Variants in ARHGAP10 observed in about 807,000 individuals in gnomAD.
The protein encoded by ARHGAP10 is Rho GTPase activating protein 10, also known as rho GTPase-activating protein 10.
In ARHGAP10, 87 loss-of-function variants were observed where a neutral mutation model predicts 108.6. That is an observed-to-expected ratio of 0.80 (90% confidence interval 0.67 to 0.96). ARHGAP10 has a LOEUF of 0.96. ARHGAP10 is among the 40% of genes least tolerant of loss of function. The pLI is 0.00. For synonymous variants in ARHGAP10, 347 were observed against 341.1 expected, an observed-to-expected ratio of 1.02 and a Z score of -0.19; for missense variants, 939 against 954.5, an observed-to-expected ratio of 0.98 and a Z score of 0.21.
intron 12 of ARHGAP10, among the ~76,000 whole-genome samples, chr4:147,912,637 G>A (rs1353483790): frequency 8.7e-6 from 1 of 114,982 alleles, no homozygotes; most frequent in Non-Finnish European, 1.7e-5. Context: ...GAAATACATA[G>A]CCTTAAGCTT....
In ARHGAP10 at chr4:147,857,626, C is replaced by A; in HGVS notation, c.458C>A (p.Ala153Glu). The A allele has an allele frequency of 6.7e-7, 1 of 1,488,162 alleles. No homozygotes were observed. Among genetic ancestry groups the A allele is most frequent in the South Asian group, 1.4e-5 (1 of 71,684 alleles). The allele number at this position is 1,488,162 out of a possible 1,614,324, so 92.2% of individuals were successfully genotyped here. The change falls in exon 5 of 23, where the codon GCA becomes GAA. Residue 153 changes from alanine to glutamate, a missense_variant. By Grantham distance (107) the Ala-to-Glu change is moderately radical (BLOSUM62 -1). Coordinates refer to ENST00000336498, the MANE Select transcript of ARHGAP10 (RefSeq NM_024605.4). ...SLIDKHLNLS[A>E]KKKDSHLQEA... ...ATTGATAAACATTTGAATTTATCAGCAAAAAAGAAAGACTCACATTTACAA... is the reference window on the plus strand; with the variant it reads ...ATTGATAAACATTTGAATTTATCAGAAAAAAAGAAAGACTCACATTTACAA...
intron 20 of ARHGAP10, among the ~76,000 whole-genome samples, chr4:148,060,284 A>C (rs1395948758): frequency 1.3e-5 from 2 of 151,764 alleles, no homozygotes; most frequent in Admixed American, 1.3e-4. Flanking sequence ...GATTCTTCTT[A>C]TTAAAAAGTA....
rs1409500679 is a variant in ARHGAP10, at chr4:147,766,814, ATATATATATATATATATATATATATT to A, written c.154+34363_154+34388del. On this transcript the variant is annotated intron_variant, in intron 1 of 22. Coordinates refer to ENST00000336498, the MANE Select transcript of ARHGAP10 (RefSeq NM_024605.4). ...CATATATTCACATATATATATATAT[ATATATATATATATATATATATATATT>A]TATTTATTTATTTATTTATTTTATG... 2.7e-3 allele frequency among the ~76,000 whole-genome samples: 15 copies of A among 5,632 alleles called. No individual in the cohort carries two copies. The South Asian group carries it at 0.059, about 22-fold the overall frequency. The allele number at this position is 5,632 out of a possible 152,430, so 3.7% of individuals were successfully genotyped here. A position where few individuals can be genotyped will look rare whatever the true frequency, so the allele number is the denominator to read the frequency against.
At chr4:148,071,829 G>A (rs1730195781) in intron 22 of ARHGAP10, among the ~76,000 whole-genome samples, 164 bp from the exon 23 acceptor site, 1 of 149,800 alleles carries the variant, frequency 6.7e-6, no homozygotes, top group Non-Finnish European at 1.5e-5. Context: ...CCAGTGCAGG[G>A]AGGCAGAGCC....
At chr4:147,838,151 C>G (rs1386555941) in intron 3 of ARHGAP10, among the ~76,000 whole-genome samples, 2 of 152,160 alleles carry the variant, frequency 1.3e-5, no homozygotes, top group African/African-American at 4.8e-5. Flanking sequence ...ATCATGGATA[C>G]ATTCTGAATT....
intron 8 of ARHGAP10, among the ~76,000 whole-genome samples, chr4:147,876,511 T>G (rs6535569): frequency 0.72 from 109,521 of 151,708 alleles, 45,208 homozygotes; most frequent in Non-Finnish European, 0.92. Flanking sequence ...GAGAATGGCG[T>G]GAACCTGGGA....
At chr4:147,855,572 A>C (rs1734051939) in intron 4 of ARHGAP10, among the ~76,000 whole-genome samples, 1 of 152,160 alleles carries the variant, frequency 6.6e-6, no homozygotes. Context: ...CCATTTCTAC[A>C]CATGGGTGAA....
At chr4:147,989,139 C>T (rs1026322658) in intron 18 of ARHGAP10, among the ~76,000 whole-genome samples, 43 of 152,186 alleles carry the variant, frequency 2.8e-4, no homozygotes, top group Non-Finnish European at 4.9e-4. Context: ...ATCCGTGATG[C>T]CCCACAAGCC....
intron 10 of ARHGAP10, among the ~76,000 whole-genome samples, chr4:147,893,481 A>G (rs1224336009): frequency 2.0e-5 from 3 of 147,744 alleles, no homozygotes; most frequent in Admixed American, 6.8e-5. Flanking sequence ...TTCTATATAT[A>G]TAGAAATACA....
Position 147,939,807 on chromosome 4 carries a change from G to A in ARHGAP10, c.1229-18G>A, listed in dbSNP as rs1347233799. 1.2e-6 allele frequency: 2 copies of A among 1,610,050 alleles called. No individual in the cohort carries two copies. Among genetic ancestry groups the A allele is most frequent in the South Asian group, 2.2e-5 (2 of 90,976 alleles). ...ATGATAGTCTTCTATTTTGCTAATA[G>A]TTTGTTTCTTCCCATAGGTATAAAT... is the stretch of plus-strand genomic sequence containing the variant. On this transcript the variant is annotated intron_variant, in intron 13 of 22. Transcript: ENST00000336498.
intron 7 of ARHGAP10, among the ~76,000 whole-genome samples, chr4:147,873,877 A>C (rs1176130182): frequency 8.9e-6 from 1 of 112,200 alleles, no homozygotes; most frequent in African/African-American, 5.8e-5. Context: ...CCTGTCTTTA[A>C]AAAAAAAAAA....
chr4:147,828,026 A>G (rs1241442002), intron 3 of ARHGAP10, among the ~76,000 whole-genome samples: 4 of 152,086 alleles, frequency 2.6e-5, no homozygotes, highest in Admixed American at 6.6e-5. Context: ...GATGATCTCA[A>G]TTTCTTGACC....
At position 147,847,001 on chromosome 4, in the gene ARHGAP10, G is replaced by A. The variant is rs1408769240; in HGVS notation, c.313-150G>A. The stretch of plus-strand genomic sequence containing the variant: ...CTAGTGCTTTAATAAGTTGAGAAGT[G>A]ATTTAATTGTTGCATTGGCAGAGTG... On this transcript the variant is annotated intron_variant, in intron 3 of 22. Transcript: ENST00000336498. 1.2e-5 allele frequency: 7 copies of A among 603,032 alleles called. No individual in the cohort carries two copies. The East Asian group carries it at 2.0e-4, about 17-fold the overall frequency. 37.4% of individuals were successfully genotyped at this position (603,032 alleles called of 1,614,324 possible). A position where few individuals can be genotyped will look rare whatever the true frequency, so the allele number is the denominator to read the frequency against.
At chr4:147,825,134 G>T (rs1309827625) in intron 3 of ARHGAP10, among the ~76,000 whole-genome samples, 1 of 151,874 alleles carries the variant, frequency 6.6e-6, no homozygotes, top group Non-Finnish European at 1.5e-5. Context: ...GGCTGCGGGA[G>T]GACACTGATT....
At chr4:147,808,945 C>T (rs1560769840) in intron 1 of ARHGAP10, 1 of 152,348 alleles carries the variant, frequency 6.6e-6, no homozygotes, top group Admixed American at 6.5e-5. Flanking sequence ...CCTGGTGGCA[C>T]CTGTTGTCCC....
chr4:148,070,712 A>C (rs1003889371), intron 22 of ARHGAP10, among the ~76,000 whole-genome samples: 5 of 152,182 alleles, frequency 3.3e-5, no homozygotes, highest in Non-Finnish European at 7.3e-5. Flanking sequence ...GTATGCCTGT[A>C]CTTGGTTTTT....
intron 1 of ARHGAP10, among the ~76,000 whole-genome samples, chr4:147,811,864 A>C (rs1240459497): frequency 6.6e-6 from 1 of 152,222 alleles, no homozygotes; most frequent in Non-Finnish European, 1.5e-5. Flanking sequence ...CCCACCTCCA[A>C]ATGTACCCCT....
chr4:147,940,022 G>A, intron 14 of ARHGAP10, 123 bp downstream of exon 14: 2 of 941,780 alleles, frequency 2.1e-6, no homozygotes, highest in Non-Finnish European at 3.2e-6. Context: ...TTCTACAGGA[G>A]TTTTCTGCTG....
At chr4:147,857,139 A>T (rs1262338288) in intron 4 of ARHGAP10, among the ~76,000 whole-genome samples, 1 of 152,262 alleles carries the variant, frequency 6.6e-6, no homozygotes, top group African/African-American at 2.4e-5. Context: ...GGTGTGAGCC[A>T]CTGGCCTATT....
Sources: gnomAD v4.1 joint callset for allele counts (sites outside exome capture counted in the v4.1 genomes callset) on GRCh38, gnomAD v4.1.1 for gene constraint, MANE v1.5 for transcripts, NCBI Gene and HGNC (gene_info 2026-07-23, HGNC 2026-07-21) for gene names.